Variants in EYS observed in about 807,000 individuals in gnomAD.
The protein encoded by EYS is EGF-like photoreceptor maintenance factor.
EYS carries 250 observed loss-of-function variants against 282.1 expected under a neutral mutation model. The ratio of observed to expected loss-of-function variants is 0.89; its 90% CI spans 0.80 to 0.98. The LOEUF (loss-of-function observed/expected upper bound fraction) is 0.98, where lower values mean the gene tolerates loss of function less well. EYS is among the 50% of genes least tolerant of loss of function. The pLI is 0.00. For missense variants in EYS, 4,016 were observed against 3,709.0 expected, an observed-to-expected ratio of 1.08 and a Z score of -2.15; for synonymous variants, 1,355 against 1,282.9, an observed-to-expected ratio of 1.06 and a Z score of -1.20.
At chr6:65,344,508 A>G (rs1433875188) in intron 9 of EYS, among the ~76,000 whole-genome samples, 1 of 151,712 alleles carries the variant, frequency 6.6e-6, no homozygotes, top group African/African-American at 2.4e-5. Flanking sequence ...ACACTGTCCT[A>G]TAACAAAAAT....
chr6:65,026,493 G>C (rs1772411753), intron 13 of EYS, among the ~76,000 whole-genome samples: 1 of 152,178 alleles, frequency 6.6e-6, no homozygotes, highest in Non-Finnish European at 1.5e-5. Context: ...ATGCACAGAT[G>C]AATGGGCTAC....
At chr6:65,029,314 T>G (rs982192757) in intron 13 of EYS, among the ~76,000 whole-genome samples, 2 of 152,072 alleles carry the variant, frequency 1.3e-5, no homozygotes, top group African/African-American at 4.8e-5. Context: ...TGGGTATGTA[T>G]GCATACATAC....
At chr6:64,150,644 C>A (rs1249110303) in intron 31 of EYS, among the ~76,000 whole-genome samples, 6 of 152,078 alleles carry the variant, frequency 3.9e-5, no homozygotes, top group Non-Finnish European at 8.8e-5. Context: ...AGACACACAA[C>A]ATATATGTAC....
intron 8 of EYS, among the ~76,000 whole-genome samples, chr6:65,380,035 C>A (rs534577440): frequency 6.6e-6 from 1 of 151,942 alleles, no homozygotes; most frequent in Non-Finnish European, 1.5e-5. Flanking sequence ...GTGAAAATGG[C>A]CATACTGCCC....
chr6:64,268,572 CT>C (rs2150356300), intron 30 of EYS, among the ~76,000 whole-genome samples: 1 of 152,076 alleles, frequency 6.6e-6, no homozygotes, highest in African/African-American at 2.4e-5. Context: ...ATCCCAAGTA[CT>C]GATGATGTTA....
chr6:64,963,380 C>A (rs1326476653), intron 14 of EYS, among the ~76,000 whole-genome samples: 1 of 152,064 alleles, frequency 6.6e-6, no homozygotes, highest in African/African-American at 2.4e-5. Flanking sequence ...AGGAATGGCA[C>A]CCTAGGTTTG....
chr6:65,051,960 G>A (rs1773282379), intron 13 of EYS, among the ~76,000 whole-genome samples: 2 of 151,396 alleles, frequency 1.3e-5, no homozygotes. Context: ...AATGCACTTT[G>A]CTTCTTTAAA....
intron 35 of EYS, among the ~76,000 whole-genome samples, chr6:63,887,318 T>TTTTG (rs1554184922): frequency 6.1e-5 from 9 of 146,352 alleles, no homozygotes; most frequent in Admixed American, 5.4e-4. Context: ...AAAGGTGTTT[T>TTTTG]TTTTTTTTTT....
chr6:65,226,093 C>G (rs1430096336), intron 12 of EYS, among the ~76,000 whole-genome samples: 1 of 151,806 alleles, frequency 6.6e-6, no homozygotes, highest in African/African-American at 2.4e-5. Context: ...TATTTAAAGA[C>G]TTCATGATGT....
intron 5 of EYS, among the ~76,000 whole-genome samples, chr6:65,479,642 ACCTTCTATGAAAT>A (rs1765532152): frequency 6.6e-6 from 1 of 152,170 alleles, no homozygotes; most frequent in South Asian, 2.1e-4. Flanking sequence ...AATTAAACCA[ACCTTCTATGAAAT>A]GCGAAAATTA....
intron 12 of EYS, among the ~76,000 whole-genome samples, chr6:65,282,086 G>C (rs1768238159): frequency 6.6e-6 from 1 of 150,608 alleles, no homozygotes; most frequent in African/African-American, 2.4e-5. Context: ...ATTTGAGTGG[G>C]GGTGGGGGGT....
At chr6:64,262,603 A>AC (rs1220928125) in intron 30 of EYS, among the ~76,000 whole-genome samples, 27 of 150,984 alleles carry the variant, frequency 1.8e-4, no homozygotes, top group Admixed American at 1.4e-3. Flanking sequence ...CTCCCACTCA[A>AC]CCCCCTGGTG....
chr6:64,833,479 A>G (rs960444992), intron 19 of EYS, among the ~76,000 whole-genome samples: 2 of 151,872 alleles, frequency 1.3e-5, no homozygotes, highest in African/African-American at 2.4e-5. Flanking sequence ...AGCAGCCCCA[A>G]CATTTCTTCT....
chr6:65,117,248 T>C (rs986455483), intron 12 of EYS, among the ~76,000 whole-genome samples: 7 of 152,172 alleles, frequency 4.6e-5, no homozygotes, highest in Non-Finnish European at 1.0e-4. Flanking sequence ...AACTGCTTTC[T>C]TTCTAGCTGG....
intron 22 of EYS, among the ~76,000 whole-genome samples, chr6:64,662,982 C>T (rs950450037): frequency 1.3e-5 from 2 of 152,112 alleles, no homozygotes; most frequent in African/African-American, 4.8e-5. Flanking sequence ...AGTATCTGTG[C>T]AATTCAGGTC....
At chr6:65,516,173 C>T (rs1417696955) in intron 2 of EYS, among the ~76,000 whole-genome samples, 1 of 152,000 alleles carries the variant, frequency 6.6e-6, no homozygotes, top group Non-Finnish European at 1.5e-5. Context: ...ATAATTCTGG[C>T]ACATAGCAGG....
intron 26 of EYS, among the ~76,000 whole-genome samples, chr6:64,518,086 C>T (rs1430734448): frequency 6.6e-6 from 1 of 151,826 alleles, no homozygotes. Context: ...TATTTACAAT[C>T]TCCCATATGT....
intron 2 of EYS, among the ~76,000 whole-genome samples, chr6:65,537,410 C>A (rs1377998149): frequency 6.6e-6 from 1 of 152,090 alleles, no homozygotes; most frequent in East Asian, 1.9e-4. Context: ...AAATTAAACC[C>A]TAAACATTAA....
chr6:63,912,269 T>C (rs1057334055), intron 35 of EYS, among the ~76,000 whole-genome samples: 1 of 152,202 alleles, frequency 6.6e-6, no homozygotes, highest in Non-Finnish European at 1.5e-5. Context: ...GCTACCCTGA[T>C]GGCTTTGTTT....
Sources: allele counts gnomAD v4.1 joint callset (sites outside exome capture counted in the v4.1 genomes callset), GRCh38; gene constraint gnomAD v4.1.1; transcripts MANE v1.5; gene names NCBI Gene and HGNC (gene_info 2026-07-23, HGNC 2026-07-21).